WWOX: variants seen among roughly 807,000 people sequenced by gnomAD.
The protein encoded by WWOX is WW domain containing oxidoreductase.
A neutral mutation model predicts 46.2 loss-of-function variants in WWOX; 69 were observed. The ratio of observed to expected loss-of-function variants is 1.49; its 90% CI spans 1.23 to 1.82. The LOEUF (loss-of-function observed/expected upper bound fraction) is 1.82. Among genes scored for constraint, WWOX ranks in the 40% most tolerant of loss-of-function variants. WWOX has a pLI of 0.00. For synonymous variants in WWOX, 359 were observed against 202.6 expected (o/e 1.77, Z -6.56); for missense variants, 919 against 542.6 (o/e 1.69, Z -6.89).
intron 8 of WWOX, among the ~76,000 whole-genome samples, chr16:79,003,459 G>C (rs1485183135): frequency 6.6e-6 from 1 of 152,138 alleles, no homozygotes; most frequent in African/African-American, 2.4e-5. Context: ...CAATTTACTG[G>C]CGTAAAACGA....
intron 3 of WWOX, among the ~76,000 whole-genome samples, chr16:78,113,630 CA>C (rs2032616688): frequency 6.6e-6 from 1 of 152,114 alleles, no homozygotes; most frequent in Admixed American, 6.5e-5. Context: ...ACCAGGTCTT[CA>C]GGGGGAAAAA....
In WWOX at chr16:78,386,860, C is replaced by T. The variant is rs777272586; in HGVS notation, c.517C>T (p.His173Tyr). ...EAVSRILEEW[H>Y]KAKVEAMTLD... ...TTCTTTTTATTTTCTCTCATTGCAG[C>T]ATAAAGCCAAGGTAGAAGCAATGAC... Residue 173 changes from histidine (H) to tyrosine (Y), a missense_variant and splice_region_variant, in exon 6 of 9, where the codon CAT becomes TAT. Transcript: ENST00000566780. 10 of 1,613,578 alleles carry T rather than the reference C, an allele frequency of 6.2e-6. No homozygotes were observed. The highest frequency in any genetic ancestry group is 1.1e-5 in the South Asian group (1 of 91,068).
intron 8 of WWOX, among the ~76,000 whole-genome samples, chr16:78,483,422 A>ATTTT (rs367626448): frequency 1.3e-4 from 17 of 133,898 alleles, no homozygotes; most frequent in African/African-American, 4.5e-4. Context: ...TCTGCGTAGA[A>ATTTT]TTTTTTTTTT....
At chr16:78,500,055 A>G (rs55825020) in intron 8 of WWOX, among the ~76,000 whole-genome samples, 3,373 of 152,248 alleles carry the variant, frequency 0.022, 97 homozygotes, top group African/African-American at 0.067. Flanking sequence ...AAAATACAAA[A>G]CAACACAACA....
intron 8 of WWOX, among the ~76,000 whole-genome samples, chr16:79,021,657 CAG>C (rs967096009): frequency 5.3e-5 from 8 of 152,208 alleles, no homozygotes; most frequent in Non-Finnish European, 1.2e-4. Flanking sequence ...GACAAACACA[CAG>C]ATGCTTCTCA....
intron 6 of WWOX, among the ~76,000 whole-genome samples, chr16:78,420,067 A>G (rs1422412537): frequency 7.2e-5 from 11 of 152,170 alleles, no homozygotes; most frequent in South Asian, 2.1e-4. Context: ...GAAAGCCACA[A>G]TGAGATTCCA....
chr16:79,110,798 C>T (rs1454564277), intron 8 of WWOX: 1 of 152,132 alleles, frequency 6.6e-6, no homozygotes, highest in East Asian at 1.9e-4. Context: ...AGTTTGAATC[C>T]CAGCTCTGCC....
At chr16:79,010,007 A>G (rs1414358463) in intron 8 of WWOX, among the ~76,000 whole-genome samples, 1 of 152,176 alleles carries the variant, frequency 6.6e-6, no homozygotes, top group Non-Finnish European at 1.5e-5. Flanking sequence ...TCAGAAGCGA[A>G]AGGAAGAATA....
intron 8 of WWOX, among the ~76,000 whole-genome samples, chr16:78,781,511 T>G (rs935699492): frequency 2.6e-5 from 4 of 152,242 alleles, no homozygotes; most frequent in Non-Finnish European, 5.9e-5. Context: ...ATAGACATTA[T>G]GACCCTTTAA....
intron 8 of WWOX, among the ~76,000 whole-genome samples, chr16:79,163,265 ATAAACAT>A (rs1455545515): frequency 6.6e-6 from 1 of 152,198 alleles, no homozygotes; most frequent in Non-Finnish European, 1.5e-5. Context: ...GAGAAAAGAA[ATAAACAT>A]TAGCAGGGTG....
intron 8 of WWOX, among the ~76,000 whole-genome samples, chr16:78,523,442 A>G (rs1272645400): frequency 2.6e-5 from 4 of 152,190 alleles, no homozygotes; most frequent in Non-Finnish European, 4.4e-5. Context: ...TAATTACCGA[A>G]TCATAAATGT....
chr16:78,250,870 C>G (rs2037966448), intron 5 of WWOX, among the ~76,000 whole-genome samples: 1 of 152,208 alleles, frequency 6.6e-6, no homozygotes, highest in Admixed American at 6.5e-5. Flanking sequence ...CTAACAACCT[C>G]TACCTGGCAA....
intron 8 of WWOX, among the ~76,000 whole-genome samples, chr16:78,824,845 A>T (rs1175854047): frequency 1.3e-5 from 2 of 152,212 alleles, no homozygotes; most frequent in African/African-American, 4.8e-5. Context: ...CCCAAAGCAT[A>T]TCAGGGTCCT....
intron 8 of WWOX, among the ~76,000 whole-genome samples, chr16:78,827,008 C>A (rs1597680053): frequency 6.6e-6 from 1 of 152,072 alleles, no homozygotes; most frequent in African/African-American, 2.4e-5. Context: ...TTATTTCCTC[C>A]CCGTGTCGCT....
rs749243238 is a variant in WWOX at position 78,257,125 on chromosome 16, G to A, written c.516+92836G>A. Among the ~76,000 whole-genome samples the A allele has an allele frequency of 4.6e-5, 7 of 151,990 alleles. No homozygotes were observed. The South Asian group carries it at 8.3e-4, about 18-fold the overall frequency. ...GCTCGTGGCGTGGGGTCTTCATCTG[G>A]CTACTAGATTGTTTAAAGAAGGATT... On this transcript the variant is annotated intron_variant, in intron 5 of 8. Coordinates refer to ENST00000566780, the MANE Select transcript of WWOX (RefSeq NM_016373.4).
chr16:78,429,068 C>G (rs79757620), intron 7 of WWOX, among the ~76,000 whole-genome samples: 4,398 of 152,282 alleles, frequency 0.029, 155 homozygotes, highest in East Asian at 0.089. Flanking sequence ...AAACTGTAAT[C>G]ATCTAATTCT....
At chr16:78,466,144 GC>G (rs1372536959) in intron 8 of WWOX, among the ~76,000 whole-genome samples, 1 of 151,872 alleles carries the variant, frequency 6.6e-6, no homozygotes, top group East Asian at 1.9e-4. Flanking sequence ...CCATTCTCCT[GC>G]CTCAGCCTTC....
At chr16:78,994,266 C>T (rs1042860372) in intron 8 of WWOX, 7 of 151,940 alleles carry the variant, frequency 4.6e-5, no homozygotes, top group South Asian at 4.2e-4. Flanking sequence ...ATTGGAGTAC[C>T]ATTTAAAGAA....
chr16:78,619,740 A>T (rs1197970579), intron 8 of WWOX, among the ~76,000 whole-genome samples: 1 of 151,856 alleles, frequency 6.6e-6, no homozygotes, highest in Admixed American at 6.6e-5. Context: ...CCCCATCTGT[A>T]TCCAAATAAA....
Sources: allele counts gnomAD v4.1 joint callset (sites outside exome capture counted in the v4.1 genomes callset), GRCh38; gene constraint gnomAD v4.1.1; transcripts MANE v1.5; gene names NCBI Gene and HGNC (gene_info 2026-07-23, HGNC 2026-07-21).